MITD1: variants seen among roughly 807,000 people sequenced by gnomAD.
MITD1 encodes MIT domain-containing protein 1.
MITD1 carries 24 observed loss-of-function variants against 34.9 expected under a neutral mutation model. That is an observed-to-expected ratio of 0.69 (90% CI 0.50 to 0.97). The LOEUF is 0.97. MITD1 is among the 50% of genes least tolerant of loss of function. The pLI is 0.00. For missense variants in MITD1, 266 were observed against 294.6 expected, an observed-to-expected ratio of 0.90 and a Z score of 0.71; for synonymous variants, 102 against 101.4, an observed-to-expected ratio of 1.01 and a Z score of -0.04.
chr2:99,172,880 C>G (rs1160195520), intron 2 of MITD1: 1 of 139,520 alleles, frequency 7.2e-6, no homozygotes, highest in East Asian at 2.1e-4. Flanking sequence ...GAGACTCCGT[C>G]TAAAAAAAAA....
chr2:99,163,759 T>C lies in MITD1; in HGVS notation c.*4-1541A>G, dbSNP rs144600549. On this transcript the variant is annotated intron_variant, in intron 7 of 7. Transcript: ENST00000422537. Reference sequence around the variant, plus strand: ...CTCTGTTTTTCTTATCTCTCGGAGATATAACCCAGATTTCTTGCCACCTCT... The same window carrying C: ...CTCTGTTTTTCTTATCTCTCGGAGACATAACCCAGATTTCTTGCCACCTCT... Among the ~76,000 whole-genome samples the C allele has an allele frequency of 2.1e-3, 313 of 152,312 alleles. 3 individuals are homozygous for C. The highest frequency in any genetic ancestry group is 6.5e-4 in the Non-Finnish European group (44 of 68,024).
intron 1 of MITD1, among the ~76,000 whole-genome samples, chr2:99,178,724 A>G (rs1011939422): frequency 2.0e-5 from 3 of 152,150 alleles, no homozygotes; most frequent in Non-Finnish European, 4.4e-5. Context: ...ACATTCCTGA[A>G]AGAGACAAGC....
chr2:99,166,241 G>C (rs960945023), downstream of MITD1, among the ~76,000 whole-genome samples: 1 of 151,842 alleles, frequency 6.6e-6, no homozygotes. Flanking sequence ...GAGAACTTCG[G>C]TATTTAAAAT....
downstream of MITD1, chr2:99,169,134 A>C (rs978722626): frequency 1.8e-5 from 5 of 283,680 alleles, no homozygotes; most frequent in African/African-American, 1.1e-4. Context: ...CCCGCAGCCA[A>C]GTAACAGAGA....
At chr2:99,162,777 G>A (rs2105202530) in intron 7 of MITD1, 1 of 1,614,002 alleles carries the variant, frequency 6.2e-7, no homozygotes, top group Non-Finnish European at 8.5e-7. Context: ...GTGGATATAT[G>A]GCAAAACTCC....
chr2:99,173,548 A>G (rs1028344658), intron 2 of MITD1: 2 of 464,772 alleles, frequency 4.3e-6, no homozygotes, highest in Non-Finnish European at 8.9e-6. Context: ...TAAATAAAAT[A>G]CACAATTTAC....
chr2:99,178,758 T>A (rs1158169993), intron 1 of MITD1, among the ~76,000 whole-genome samples: 3 of 152,142 alleles, frequency 2.0e-5, no homozygotes, highest in Admixed American at 6.5e-5. Flanking sequence ...TCCAATTATG[T>A]TACTCCTTTG....
At chr2:99,162,638 A>T (rs1574813279) in intron 7 of MITD1, 1 of 1,614,126 alleles carries the variant, frequency 6.2e-7, no homozygotes, top group Non-Finnish European at 8.5e-7. Context: ...GTGAAGTACT[A>T]ATGAATGCTG....
chr2:99,179,776 T>A (rs2093905790), intron 1 of MITD1, among the ~76,000 whole-genome samples: 1 of 152,100 alleles, frequency 6.6e-6, no homozygotes, highest in Admixed American at 6.6e-5. Flanking sequence ...TTGGCCAGGA[T>A]GGTCTCGATC....
intron 7 of MITD1, among the ~76,000 whole-genome samples, chr2:99,163,763 A>C (rs1399174152): frequency 2.0e-5 from 3 of 152,150 alleles, no homozygotes; most frequent in Non-Finnish European, 4.4e-5. Context: ...CGGAGATATA[A>C]CCCAGATTTC....
Position 99,169,608 on chromosome 2 carries a change from A to G in MITD1, c.596T>C (p.Phe199Ser). Residue 199 changes from phenylalanine (F) to serine (S), a missense_variant and splice_region_variant, in exon 6 of 7, where the codon TTC (phenylalanine) becomes TCC (serine). Physicochemically the swap from Phe to Ser is radical, Grantham distance 155. Coordinates refer to ENST00000289359, the MANE Select transcript of MITD1 (RefSeq NM_138798.3). Reference protein sequence around the residue: ...SSSIHDREIRFNNGWMIKIGR... With the variant: ...SSSIHDREIRSNNGWMIKIGR... ...AATCTTAATCATCCATCCATTGTTG[A>G]ACCTGTTGAAATTAGTATATAGTAT... 3.8e-6 allele frequency: 6 copies of G among 1,599,172 alleles called. No homozygotes were observed. Among genetic ancestry groups the G allele is most frequent in the Non-Finnish European group, 5.1e-6 (6 of 1,166,626 alleles).
intron 7 of MITD1, among the ~76,000 whole-genome samples, chr2:99,163,570 CGCCGACCTCA>C (rs1341521402): frequency 6.6e-6 from 1 of 152,096 alleles, no homozygotes; most frequent in Non-Finnish European, 1.5e-5. Flanking sequence ...TCAAGTGATC[CGCCGACCTCA>C]GCCTCCCAAA....
chr2:99,162,889 A>T (rs750998781), intron 7 of MITD1: 3 of 1,613,076 alleles, frequency 1.9e-6, no homozygotes. Flanking sequence ...GAAATTTGTA[A>T]TATTGAAGCA....
At chr2:99,174,806 G>C (rs2093878088) in intron 1 of MITD1, among the ~76,000 whole-genome samples, 1 of 152,164 alleles carries the variant, frequency 6.6e-6, no homozygotes, top group Non-Finnish European at 1.5e-5. Context: ...GGTCAGGCTG[G>C]TCTCGAACTC....
At chr2:99,163,192 C>CA (rs57501069) in intron 7 of MITD1, 4 of 425,604 alleles carry the variant, frequency 9.4e-6, no homozygotes, top group Non-Finnish European at 1.2e-5. Flanking sequence ...AAAAAAAAAA[C>CA]AAAACACAAC....
chr2:99,165,558 A>C (rs1458891541), downstream of MITD1, among the ~76,000 whole-genome samples: 1 of 152,222 alleles, frequency 6.6e-6, no homozygotes, highest in Admixed American at 6.5e-5. Context: ...CTGACCGCAT[A>C]TAAATAGTAT....
intron 1 of MITD1, among the ~76,000 whole-genome samples, chr2:99,178,715 C>T (rs1042779918): frequency 1.3e-5 from 2 of 152,092 alleles, no homozygotes; most frequent in African/African-American, 4.8e-5. Flanking sequence ...GAAAAGAGCA[C>T]ATTCCTGAAA....
At chr2:99,172,912 C>A (rs577188693) in intron 2 of MITD1, 5 of 151,944 alleles carry the variant, frequency 3.3e-5, no homozygotes, top group African/African-American at 1.2e-4. Context: ...TAATGGTAGC[C>A]CCTAAATTAT....
At chr2:99,162,456 T>G in intron 7 of MITD1, 4 of 1,614,048 alleles carry the variant, frequency 2.5e-6, no homozygotes, top group Non-Finnish European at 3.4e-6. Context: ...AGGAACAGCT[T>G]CTAAGATCGG....
Sources: allele counts gnomAD v4.1 joint callset (sites outside exome capture counted in the v4.1 genomes callset), GRCh38; gene constraint gnomAD v4.1.1; transcripts MANE v1.5; gene names NCBI Gene and HGNC (gene_info 2026-07-23, HGNC 2026-07-21).